The following NR3C2 variants were observed in gnomAD, a reference collection of about 807,000 sequenced individuals.
NR3C2 encodes nuclear receptor subfamily 3 group C member 2.
Under a neutral mutation model 86.4 loss-of-function variants are expected in NR3C2, and 15 were observed. The observed-to-expected ratio is 0.17, with a 90% CI of 0.12 to 0.27. The LOEUF is 0.27. NR3C2 is among the 10% of genes least tolerant of loss of function. The probability of loss-of-function intolerance (pLI) is 1.00; values close to 1 mark genes in which losing one functional copy is unlikely to be tolerated. For synonymous variants in NR3C2, 458 were observed against 450.5 expected (o/e 1.02, Z -0.21); for missense variants, 960 against 1,195.6 (o/e 0.80, Z 2.91).
In NR3C2 at chr4:148,436,362, CA is replaced by C; in HGVS notation, c.498del (p.Asp167ThrfsTer6). The C allele has an allele frequency of 6.2e-7, 1 of 1,614,200 alleles. No homozygotes were observed. Among genetic ancestry groups the C allele is most frequent in the Non-Finnish European group, 8.5e-7 (1 of 1,180,042 alleles). ...CCACCATTCACGGAGCTCCCAGAGT[CA>C]GACATAAATGATCTCAAGGGCGTGT... The part of the protein sequence containing the change: ...CVNTPLRSFM[S>X]DSGSSVNGGV... On this transcript the variant is annotated frameshift_variant, in exon 2 of 9. Coordinates refer to ENST00000358102, the MANE Select transcript of NR3C2 (RefSeq NM_000901.5).
chr4:148,422,072 C>T (rs1414307858), intron 2 of NR3C2, among the ~76,000 whole-genome samples: 4 of 152,110 alleles, frequency 2.6e-5, no homozygotes, highest in East Asian at 1.9e-4. Context: ...CTTATAACTC[C>T]TCCTTCCTCT....
intron 3 of NR3C2, among the ~76,000 whole-genome samples, chr4:148,219,291 T>C (rs1255503193): frequency 6.6e-6 from 1 of 152,236 alleles, no homozygotes; most frequent in Non-Finnish European, 1.5e-5. Flanking sequence ...GCACGTCTAC[T>C]CAAATCTTTT....
chr4:148,304,598 G>C (rs896047990), intron 2 of NR3C2, among the ~76,000 whole-genome samples: 1 of 152,066 alleles, frequency 6.6e-6, no homozygotes, highest in Non-Finnish European at 1.5e-5. Flanking sequence ...AGCACCTTCT[G>C]TCAGCAGGAA....
At chr4:148,152,659 G>T in intron 5 of NR3C2, 46 bp from the exon 6 acceptor site, 1 of 1,594,328 alleles carries the variant, frequency 6.3e-7, no homozygotes, top group Non-Finnish European at 8.6e-7. Flanking sequence ...TAGCATTTAA[G>T]TACATTCCAG....
At chr4:148,327,455 C>T (rs1414681092) in intron 2 of NR3C2, among the ~76,000 whole-genome samples, 1 of 152,152 alleles carries the variant, frequency 6.6e-6, no homozygotes, top group Admixed American at 6.5e-5. Flanking sequence ...AAACCCTAAT[C>T]GGATCCTGGG....
chr4:148,087,612 G>A (rs1730873625), intron 8 of NR3C2, among the ~76,000 whole-genome samples: 1 of 152,144 alleles, frequency 6.6e-6, no homozygotes. Flanking sequence ...AAACAATGGG[G>A]AAAGGATCCT....
intron 4 of NR3C2, among the ~76,000 whole-genome samples, chr4:148,164,804 T>C (rs1038812192): frequency 8.5e-5 from 13 of 152,210 alleles, no homozygotes; most frequent in African/African-American, 3.1e-4. Flanking sequence ...GAATAAGTTA[T>C]GAGAAAGAGA....
intron 2 of NR3C2, among the ~76,000 whole-genome samples, chr4:148,386,497 C>T (rs995382018): frequency 5.9e-5 from 9 of 152,100 alleles, no homozygotes; most frequent in African/African-American, 2.2e-4. Flanking sequence ...GGAGTCAAAC[C>T]GAGTAAACTG....
At chr4:148,292,749 T>C (rs1314392858) in intron 2 of NR3C2, among the ~76,000 whole-genome samples, 3 of 152,120 alleles carry the variant, frequency 2.0e-5, no homozygotes, top group South Asian at 4.1e-4. Flanking sequence ...CTCCCAACTA[T>C]ACCTGTCAAA....
At chr4:148,139,647 T>C (rs1433930599) in intron 6 of NR3C2, among the ~76,000 whole-genome samples, 1 of 152,222 alleles carries the variant, frequency 6.6e-6, no homozygotes, top group Non-Finnish European at 1.5e-5. Flanking sequence ...CCTGTAGGTA[T>C]GTATGTTGGC....
intron 2 of NR3C2, among the ~76,000 whole-genome samples, chr4:148,331,451 GT>G (rs1007096020): frequency 1.4e-4 from 21 of 152,110 alleles, no homozygotes; most frequent in Admixed American, 7.2e-4. Context: ...AATGGCCAAG[GT>G]AATTCTCCTG....
At chr4:148,319,119 T>C (rs542660645) in intron 2 of NR3C2, among the ~76,000 whole-genome samples, 2 of 151,632 alleles carry the variant, frequency 1.3e-5, no homozygotes, top group South Asian at 4.2e-4. Flanking sequence ...CCCAGCACCA[T>C]TTATTAAATA....
At chr4:148,394,516 C>A (rs1330837852) in intron 2 of NR3C2, among the ~76,000 whole-genome samples, 2 of 126,682 alleles carry the variant, frequency 1.6e-5, no homozygotes, top group South Asian at 2.3e-4. Flanking sequence ...CCCAACTCTA[C>A]TCAAAAAAAA....
At chr4:148,303,346 T>C (rs1742438591) in intron 2 of NR3C2, among the ~76,000 whole-genome samples, 1 of 152,156 alleles carries the variant, frequency 6.6e-6, no homozygotes, top group South Asian at 2.1e-4. Context: ...ATCAACATTC[T>C]AGTTCTGAGC....
At chr4:148,119,947 TG>T (rs1732440422) in intron 7 of NR3C2, among the ~76,000 whole-genome samples, 3 of 152,202 alleles carry the variant, frequency 2.0e-5, no homozygotes. Context: ...GAAGGAATGT[TG>T]GGGTATGCTC....
intron 2 of NR3C2, among the ~76,000 whole-genome samples, chr4:148,266,016 A>G (rs376513384): frequency 6.6e-6 from 1 of 151,490 alleles, no homozygotes; most frequent in South Asian, 2.1e-4. Context: ...AGACACTGAG[A>G]TTGGACGGGG....
intron 4 of NR3C2, among the ~76,000 whole-genome samples, chr4:148,157,192 T>C (rs1238196578): frequency 6.8e-6 from 1 of 146,222 alleles, no homozygotes; most frequent in Non-Finnish European, 1.5e-5. Flanking sequence ...CATTAGGAGA[T>C]ATACCTAATG....
At chr4:148,437,032 T>C (rs1026800902) in intron 1 of NR3C2, among the ~76,000 whole-genome samples, 170 bp from the exon 2 acceptor site, 3 of 152,228 alleles carry the variant, frequency 2.0e-5, no homozygotes, top group African/African-American at 7.2e-5. Flanking sequence ...TAACAGAGTA[T>C]TGACTACAGC....
intron 2 of NR3C2, among the ~76,000 whole-genome samples, chr4:148,380,215 T>C (rs1746898552): frequency 6.6e-6 from 1 of 152,242 alleles, no homozygotes; most frequent in African/African-American, 2.4e-5. Flanking sequence ...TCAGACACTA[T>C]GTGGCCTCTT....
Sources: gnomAD v4.1 joint callset for allele counts (sites outside exome capture counted in the v4.1 genomes callset) on GRCh38, gnomAD v4.1.1 for gene constraint, MANE v1.5 for transcripts, NCBI Gene and HGNC (gene_info 2026-07-23, HGNC 2026-07-21) for gene names.